The following WFDC11 variants were observed in gnomAD, a reference collection of about 807,000 sequenced individuals.
WFDC11 encodes protein WFDC11.
WFDC11 carries 9 observed loss-of-function variants against 9.9 expected under a neutral mutation model. That is an observed-to-expected ratio of 0.91 (90% CI 0.55 to 1.58). WFDC11 has a LOEUF of 1.58. Among genes scored for constraint, WFDC11 ranks in the 40% most tolerant of loss-of-function variants. The pLI is 0.00. For missense variants in WFDC11, 106 were observed against 101.7 expected (o/e 1.04, Z -0.18); for synonymous variants, 32 against 33.3 (o/e 0.96, Z 0.13).
At chr20:45,656,789 T>C (rs1253860145) in intron 2 of WFDC11, among the ~76,000 whole-genome samples, 1 of 152,140 alleles carries the variant, frequency 6.6e-6, no homozygotes, top group Non-Finnish European at 1.5e-5. Context: ...AACAGACACT[T>C]CTCAAAAGAA....
chr20:45,653,563 C>G (rs1403413433), intron 2 of WFDC11, among the ~76,000 whole-genome samples: 1 of 151,762 alleles, frequency 6.6e-6, no homozygotes, highest in Admixed American at 6.6e-5. Flanking sequence ...ATGACAGGAT[C>G]AAATTCACAC....
intron 2 of WFDC11, among the ~76,000 whole-genome samples, chr20:45,658,948 T>C (rs1226720005): frequency 1.3e-5 from 2 of 151,628 alleles, no homozygotes. Flanking sequence ...CTTCCACTTA[T>C]GAGAACATGC....
intron 2 of WFDC11, among the ~76,000 whole-genome samples, chr20:45,660,630 T>G (rs1600940544): frequency 6.6e-6 from 1 of 152,138 alleles, no homozygotes; most frequent in East Asian, 1.9e-4. Context: ...GTGTTCTCAT[T>G]GTTCAATTCC....
At chr20:45,668,353 C>G (rs1983228477) in intron 1 of WFDC11, among the ~76,000 whole-genome samples, 1 of 152,106 alleles carries the variant, frequency 6.6e-6, no homozygotes, top group African/African-American at 2.4e-5. Context: ...AGAAGCAAAG[C>G]CTGTAGATTG....
intron 2 of WFDC11, among the ~76,000 whole-genome samples, chr20:45,666,103 G>T (rs1417251489): frequency 6.6e-6 from 1 of 152,174 alleles, no homozygotes; most frequent in African/African-American, 2.4e-5. Flanking sequence ...CAGCCACTTT[G>T]TTTACCTACT....
At chr20:45,665,558 C>G (rs947513455) in intron 2 of WFDC11, among the ~76,000 whole-genome samples, 3 of 152,216 alleles carry the variant, frequency 2.0e-5, no homozygotes, top group African/African-American at 7.2e-5. Context: ...GTGGTTTTAT[C>G]TACCTTTGGT....
intron 3 of WFDC11, 81 bp from the exon 4 acceptor site, chr20:45,649,480 A>T: frequency 6.5e-7 from 1 of 1,534,186 alleles, no homozygotes; most frequent in Non-Finnish European, 8.8e-7. Context: ...TACGTTTAAC[A>T]GTTCCTCCTG....
chr20:45,651,697 G>A (rs150932816), intron 2 of WFDC11, among the ~76,000 whole-genome samples: 5 of 150,774 alleles, frequency 3.3e-5, no homozygotes, highest in Non-Finnish European at 7.4e-5. Flanking sequence ...TCAAAGAAAG[G>A]GGTGACAGAC....
rs1172136746 is a variant in WFDC11 at position 45,649,010 on chromosome 20, A to G, written c.243+247T>C. ...ACAAATTTAGGAAAAATAGCAAACT[A>G]TGGTGTAATACAAAGAAGACAACAC... On this transcript the variant is annotated intron_variant, in intron 4 of 4. Transcript: ENST00000324384. Among the ~76,000 whole-genome samples, 8 of 152,216 alleles carry G rather than the reference A, an allele frequency of 5.3e-5. No homozygotes were observed. In the East Asian group the frequency reaches 1.3e-3, roughly 26 times the overall value.
chr20:45,667,900 C>T (rs1229511342), intron 1 of WFDC11, among the ~76,000 whole-genome samples: 1 of 152,132 alleles, frequency 6.6e-6, no homozygotes, highest in East Asian at 1.9e-4. Context: ...TCAGAATCAC[C>T]CAGTTGGACA....
intron 2 of WFDC11, among the ~76,000 whole-genome samples, chr20:45,661,741 T>C (rs1983071725): frequency 6.6e-6 from 1 of 152,142 alleles, no homozygotes; most frequent in Admixed American, 6.6e-5. Context: ...TATGCGGCGT[T>C]ATTACTGAGG....
At chr20:45,652,507 ACT>A (rs1050453275) in intron 2 of WFDC11, among the ~76,000 whole-genome samples, 1 of 152,100 alleles carries the variant, frequency 6.6e-6, no homozygotes, top group African/African-American at 2.4e-5. Flanking sequence ...AAAACTGGAA[ACT>A]CTAAAAATCA....
chr20:45,657,903 C>G (rs6032411), intron 2 of WFDC11, among the ~76,000 whole-genome samples: 39,011 of 152,016 alleles, frequency 0.26, 5,840 homozygotes, highest in East Asian at 0.54. Flanking sequence ...GCACATAGAA[C>G]ATAGTGAAAA....
At chr20:45,662,654 C>G (rs978606683) in intron 2 of WFDC11, among the ~76,000 whole-genome samples, 1 of 152,124 alleles carries the variant, frequency 6.6e-6, no homozygotes, top group Non-Finnish European at 1.5e-5. Flanking sequence ...TGTCAAAGGC[C>G]TTTTCTGCAT....
Position 45,648,661 on chromosome 20 carries a change from A to G in WFDC11, c.*58T>C. ...AAAGTAGCCACAGGGTACTACTATG[A>G]GACCTCTTAAACATTTCCCAGCCCA... On this transcript the variant is annotated 3_prime_UTR_variant, in exon 5 of 5. Transcript: ENST00000324384. 6.2e-7 allele frequency: 1 copy of G among 1,600,028 alleles called. No individual in the cohort carries two copies. The highest frequency in any genetic ancestry group is 1.1e-5 in the South Asian group (1 of 90,572).
At chr20:45,664,013 T>G (rs1983131964) in intron 2 of WFDC11, among the ~76,000 whole-genome samples, 1 of 152,194 alleles carries the variant, frequency 6.6e-6, no homozygotes, top group Non-Finnish European at 1.5e-5. Context: ...TGTCTAATAT[T>G]GACAGTGGGG....
chr20:45,654,998 G>C (rs1462042836), intron 2 of WFDC11, among the ~76,000 whole-genome samples: 1 of 152,162 alleles, frequency 6.6e-6, no homozygotes, highest in Non-Finnish European at 1.5e-5. Flanking sequence ...AATTCTACCA[G>C]AGGTACAAGG....
intron 3 of WFDC11, among the ~76,000 whole-genome samples, chr20:45,649,676 C>T (rs1164639051): frequency 1.3e-5 from 2 of 152,154 alleles, no homozygotes; most frequent in Non-Finnish European, 2.9e-5. Context: ...CTCTGAGCAT[C>T]CCAACGATAA....
At chr20:45,657,839 G>C (rs1033853833) in intron 2 of WFDC11, among the ~76,000 whole-genome samples, 3 of 152,112 alleles carry the variant, frequency 2.0e-5, no homozygotes, top group African/African-American at 7.2e-5. Flanking sequence ...CTAATGTTAA[G>C]TGTTCTGAGC....
Sources: allele counts gnomAD v4.1 joint callset (sites outside exome capture counted in the v4.1 genomes callset), GRCh38; gene constraint gnomAD v4.1.1; transcripts MANE v1.5; gene names NCBI Gene and HGNC (gene_info 2026-07-23, HGNC 2026-07-21).